The following GTF3C2 variants were observed in gnomAD, a reference collection of about 807,000 sequenced individuals.
GTF3C2 encodes general transcription factor 3C polypeptide 2.
GTF3C2 carries 17 observed loss-of-function variants against 117.4 expected under a neutral mutation model. The ratio of observed to expected loss-of-function variants is 0.14; its 90% CI spans 0.10 to 0.22. The LOEUF is 0.22. Ranked by LOEUF, GTF3C2 falls within the 10% of genes least tolerant of loss-of-function variation. GTF3C2 has a pLI of 1.00. For missense variants in GTF3C2, 888 were observed against 1,143.6 expected (o/e 0.78, Z 3.22); for synonymous variants, 437 against 427.0 (o/e 1.02, Z -0.29).
chr2:27,334,481 C>G (rs1240958611), intron 10 of GTF3C2, among the ~76,000 whole-genome samples: 2 of 151,994 alleles, frequency 1.3e-5, no homozygotes, highest in Non-Finnish European at 2.9e-5. Context: ...ATCCTCCTTC[C>G]TCCTGTGTCA....
At chr2:27,351,227 C>A (rs1163437288) in intron 1 of GTF3C2, among the ~76,000 whole-genome samples, 1 of 152,080 alleles carries the variant, frequency 6.6e-6, no homozygotes. Flanking sequence ...GCTTGGCTAA[C>A]ATGGTGAAAC....
At chr2:27,336,096 C>G (rs898825597) in intron 8 of GTF3C2, 68 bp from the exon 9 acceptor site, 3 of 1,386,428 alleles carry the variant, frequency 2.2e-6, no homozygotes, top group Admixed American at 1.7e-5. Context: ...GAGGTAAGCT[C>G]CCCTTGTCTC....
intron 1 of GTF3C2, chr2:27,356,150 C>A (rs1014296304): frequency 3.9e-5 from 49 of 1,259,784 alleles, no homozygotes; most frequent in Non-Finnish European, 4.7e-5. Flanking sequence ...CCTCTGACTT[C>A]CCCAACAGGC....
chr2:27,331,809 C>T (rs2148257369), intron 12 of GTF3C2, among the ~76,000 whole-genome samples: 1 of 152,088 alleles, frequency 6.6e-6, no homozygotes, highest in African/African-American at 2.4e-5. Flanking sequence ...CATTGTGGCT[C>T]GTTCCTGTAG....
rs550689327 is a variant in GTF3C2 at position 27,350,525 on chromosome 2, C to G, written c.-25+6214G>C. The G allele has an allele frequency of 1.4e-4, 138 of 985,380 alleles. No homozygotes were observed. In the African/African-American group the frequency reaches 2.3e-3, roughly 17 times the overall value. The allele number at this position is 985,380 out of a possible 1,614,324, so 61.0% of individuals were successfully genotyped here. On this transcript the variant is annotated intron_variant, in intron 1 of 18. Transcript: ENST00000264720. ...CTCAAGAATCATGTGCTGGGCTGGG[C>G]GCAGTGGCTCATGCCTGTAATCTCA...
rs1680221326 is a variant in GTF3C2 at position 27,329,957 on chromosome 2, C to T, written c.1733-434G>A. On this transcript the variant is annotated intron_variant, in intron 12 of 18. Coordinates refer to ENST00000264720, the Ensembl canonical transcript of GTF3C2. The surrounding 1 kb of genome is among the most constrained non-coding windows in gnomAD (Gnocchi z 4.5). ...GTCAGGAGTTTGAGACCAGCCTGAT[C>T]AACATGGTGAAACCCCGTCTCTACT... Among the ~76,000 whole-genome samples the T allele has an allele frequency of 6.6e-6, 1 of 151,774 alleles. No individual in the cohort carries two copies. The highest frequency in any genetic ancestry group is 1.9e-4 in the East Asian group (1 of 5,168).
chr2:27,332,053 A>G (rs1318660632), intron 12 of GTF3C2, among the ~76,000 whole-genome samples: 6 of 152,240 alleles, frequency 3.9e-5, no homozygotes, highest in South Asian at 4.1e-4. Context: ...CTTATAGTGA[A>G]GGAACATTCA....
At chr2:27,354,423 G>A (rs1358265362) in intron 1 of GTF3C2, among the ~76,000 whole-genome samples, 2 of 152,178 alleles carry the variant, frequency 1.3e-5, no homozygotes, top group African/African-American at 4.8e-5. Flanking sequence ...GTTAACATAA[G>A]GAGCTAAATG....
At chr2:27,335,768 G>A (rs766268909) in intron 9 of GTF3C2, 62 bp from the exon 10 acceptor site, 3 of 1,207,946 alleles carry the variant, frequency 2.5e-6, no homozygotes, top group Non-Finnish European at 3.6e-6. Flanking sequence ...AAACCTTTGA[G>A]GTTCTAGTCC....
intron 12 of GTF3C2, among the ~76,000 whole-genome samples, chr2:27,333,179 T>C (rs1035864431): frequency 6.1e-5 from 9 of 146,930 alleles, no homozygotes; most frequent in African/African-American, 1.6e-4. Flanking sequence ...TTTTTTTTTT[T>C]CCAGACAGGA....
rs370316950 is a variant in GTF3C2, at chr2:27,328,345, CTG to C, written c.2256+121_2256+122del. ...ACGGTAGGGAAGATTATATACAACTCTGTGCTAAGATTTTCTGGGATATCAGG... is the reference window on the plus strand; with the variant it reads ...ACGGTAGGGAAGATTATATACAACTCTGCTAAGATTTTCTGGGATATCAGG... On this transcript the variant is annotated intron_variant, in intron 16 of 18. Transcript: ENST00000264720. The C allele has an allele frequency of 1.2e-3, 1,346 of 1,113,234 alleles. 7 individuals are homozygous for C. In the African/African-American group the frequency reaches 0.018, roughly 15 times the overall value. The allele number at this position is 1,113,234 out of a possible 1,614,324, so 69.0% of individuals were successfully genotyped here.
exon 2 of GTF3C2, chr2:27,343,339 C>T: frequency 1.9e-6 from 3 of 1,613,992 alleles, no homozygotes; most frequent in African/African-American, 2.7e-5. Flanking sequence ...GGCTTTCCTG[C>T]TCTGGAGGGA....
chr2:27,345,696 T>C (rs2148319988), intron 1 of GTF3C2, among the ~76,000 whole-genome samples: 1 of 151,826 alleles, frequency 6.6e-6, no homozygotes, highest in Non-Finnish European at 1.5e-5. Context: ...AACATCCTAT[T>C]ATGTTAAGAA....
chr2:27,326,415 C>T, exon 19 of GTF3C2: 1 of 568,836 alleles, frequency 1.8e-6, no homozygotes, highest in Non-Finnish European at 3.2e-6. Flanking sequence ...TAGGTCAGGC[C>T]TGAGTGTTTC....
intron 1 of GTF3C2, among the ~76,000 whole-genome samples, chr2:27,355,776 T>G (rs912702920): frequency 6.6e-6 from 1 of 152,172 alleles, no homozygotes; most frequent in Non-Finnish European, 1.5e-5. Context: ...CTTAATATAT[T>G]GTTTCCTAAA....
intron 15 of GTF3C2, 86 bp downstream of exon 15, chr2:27,328,758 C>T: frequency 8.9e-7 from 1 of 1,126,660 alleles, no homozygotes; most frequent in African/African-American, 1.5e-5. Flanking sequence ...CTCCTTCTAC[C>T]CAAAACTACT....
chr2:27,334,694 G>C (rs887166601), intron 10 of GTF3C2, among the ~76,000 whole-genome samples: 1 of 150,700 alleles, frequency 6.6e-6, no homozygotes, highest in Non-Finnish European at 1.5e-5. Context: ...CCAGGCTACA[G>C]TGCAGTGGCA....
exon 3 of GTF3C2, chr2:27,342,955 G>A: frequency 6.2e-7 from 1 of 1,614,158 alleles, no homozygotes; most frequent in East Asian, 2.2e-5. Flanking sequence ...CTCTGCCTTG[G>A]ACTTTCGACC....
chr2:27,327,436 C>A, intron 17 of GTF3C2, 152 bp from the exon 18 acceptor site: 1 of 461,042 alleles, frequency 2.2e-6, no homozygotes, highest in Admixed American at 3.8e-5. Flanking sequence ...AGTGATTCTC[C>A]GCCTCAGCCT....
Sources: gnomAD v4.1 joint callset for allele counts (sites outside exome capture counted in the v4.1 genomes callset) on GRCh38, gnomAD v4.1.1 for gene constraint, Gnocchi (gnomAD v3.1) non-coding constraint, MANE v1.5 for transcripts, NCBI Gene and HGNC (gene_info 2026-07-23, HGNC 2026-07-21) for gene names.